Variants in MID1 observed in about 807,000 individuals in gnomAD.
MID1 encodes the protein E3 ubiquitin-protein ligase Midline-1.
A neutral mutation model predicts 40.4 loss-of-function variants in MID1; 7 were observed. The observed-to-expected ratio is 0.17, with a 90% confidence interval of 0.10 to 0.33. MID1 has a LOEUF of 0.33. Among genes scored for constraint, MID1 ranks in the 10% least tolerant of loss-of-function variants. The probability of loss-of-function intolerance (pLI) is 1.00; values close to 1 mark genes in which losing one functional copy is unlikely to be tolerated. For synonymous variants in MID1, 229 were observed against 221.2 expected, an observed-to-expected ratio of 1.04 and a Z score of -0.31; for missense variants, 367 against 558.5, an observed-to-expected ratio of 0.66 and a Z score of 3.46.
intron 7 of MID1, among the ~76,000 whole-genome samples, chrX:10,461,379 T>C (rs1929032376): frequency 9.0e-6 from 1 of 110,694 alleles, no homozygotes; most frequent in African/African-American, 3.3e-5. Context: ...CCAAATTTAT[T>C]TTCTCTAATT....
At chrX:10,738,826 C>A (rs963129393) in intron 1 of MID1, among the ~76,000 whole-genome samples, 24 of 109,690 alleles carry the variant, frequency 2.2e-4, no homozygotes, top group African/African-American at 8.0e-4. Context: ...TGTTTTTCCC[C>A]CTAAGTTATT....
intron 1 of MID1, among the ~76,000 whole-genome samples, chrX:10,715,522 T>A (rs1602532824): frequency 9.0e-6 from 1 of 111,532 alleles, no homozygotes; most frequent in African/African-American, 3.3e-5. Context: ...TTGCTGAGGC[T>A]TGAGTAGGTA....
chrX:10,630,928 T>C (rs1174662950), intron 1 of MID1, among the ~76,000 whole-genome samples: 3 of 110,990 alleles, frequency 2.7e-5, no homozygotes, highest in African/African-American at 9.9e-5. Flanking sequence ...CACTATTTAC[T>C]GAGATGGGGA....
intron 1 of MID1, among the ~76,000 whole-genome samples, chrX:10,806,641 T>A (rs1352114788): frequency 8.9e-6 from 1 of 112,627 alleles, no homozygotes; most frequent in Non-Finnish European, 1.9e-5. Flanking sequence ...ACTAGAAAGA[T>A]CTATAAATCT....
At chrX:10,670,094 C>T (rs751906035) in intron 1 of MID1, among the ~76,000 whole-genome samples, 5 of 112,137 alleles carry the variant, frequency 4.5e-5, no homozygotes, top group South Asian at 3.7e-4. Flanking sequence ...AGGGTCTTTC[C>T]GAACAAGAAT....
intron 1 of MID1, among the ~76,000 whole-genome samples, chrX:10,782,580 T>C (rs1358832364): frequency 1.8e-5 from 2 of 111,676 alleles, no homozygotes; most frequent in African/African-American, 6.5e-5. Flanking sequence ...TGGAGATACA[T>C]AGAGAAATAG....
intron 1 of MID1, among the ~76,000 whole-genome samples, chrX:10,664,994 A>G (rs2042940509): frequency 8.9e-6 from 1 of 112,348 alleles, no homozygotes; most frequent in African/African-American, 3.2e-5. Context: ...CACACACACA[A>G]TTCAAGCGGC....
At chrX:10,623,509 T>C (rs183431076), upstream of MID1, among the ~76,000 whole-genome samples, 4 of 111,751 alleles carry the variant, frequency 3.6e-5, no homozygotes, top group African/African-American at 1.3e-4. Context: ...TCTTGTTAGT[T>C]ATGTGCGGGT....
chrX:10,468,945 T>G (rs1929537904), intron 7 of MID1, among the ~76,000 whole-genome samples: 1 of 112,523 alleles, frequency 8.9e-6, no homozygotes, highest in Non-Finnish European at 1.9e-5. Flanking sequence ...TAAAACTAAA[T>G]GTATGATAAA....
intron 1 of MID1, among the ~76,000 whole-genome samples, chrX:10,716,135 A>C (rs964629748): frequency 2.9e-4 from 32 of 111,269 alleles, no homozygotes; most frequent in African/African-American, 9.8e-4. Flanking sequence ...AAAATCAAGC[A>C]CCTCTCCTCC....
At chrX:10,664,011 GAT>G (rs1211597480) in intron 1 of MID1, among the ~76,000 whole-genome samples, 1 of 111,382 alleles carries the variant, frequency 9.0e-6, no homozygotes, top group Non-Finnish European at 1.9e-5. Flanking sequence ...ATTTATGTTA[GAT>G]GTAACTTTGG....
intron 1 of MID1, among the ~76,000 whole-genome samples, chrX:10,693,438 T>C (rs1419715): frequency 0.16 from 17,316 of 109,142 alleles, 2,375 homozygotes; most frequent in African/African-American, 0.44. Context: ...GTAATTCTCT[T>C]GCCTCAGCTT....
At chrX:10,496,455 T>C (rs1039681653) in intron 3 of MID1, among the ~76,000 whole-genome samples, 2 of 112,320 alleles carry the variant, frequency 1.8e-5, no homozygotes, top group Non-Finnish European at 3.8e-5. Flanking sequence ...CTGCACATGC[T>C]ATTTCCTCCA....
intron 1 of MID1, among the ~76,000 whole-genome samples, chrX:10,689,844 AG>A (rs1225996886): frequency 1.8e-5 from 2 of 111,074 alleles, no homozygotes; most frequent in African/African-American, 6.6e-5. Context: ...GCCTAACTTT[AG>A]GATCATTTTG....
At chrX:10,690,056 G>C (rs2043122904) in intron 1 of MID1, among the ~76,000 whole-genome samples, 1 of 108,405 alleles carries the variant, frequency 9.2e-6, no homozygotes, top group Admixed American at 1.0e-4. Flanking sequence ...ATGAGGGGCA[G>C]GGTGGGTGGG....
chrX:10,683,172 T>C (rs2043070449), intron 1 of MID1, among the ~76,000 whole-genome samples: 1 of 112,122 alleles, frequency 8.9e-6, no homozygotes, highest in African/African-American at 3.2e-5. Flanking sequence ...TCTGAAAGAA[T>C]GCTTGGATGA....
At chrX:10,504,877 C>T (rs755827901) in intron 3 of MID1, among the ~76,000 whole-genome samples, 2 of 110,825 alleles carry the variant, frequency 1.8e-5, no homozygotes, top group South Asian at 7.7e-4. Context: ...ATAGACAATA[C>T]GGATGCAAAT....
At chrX:10,463,189 AAAT>A (rs1239396265) in intron 7 of MID1, among the ~76,000 whole-genome samples, 1 of 107,070 alleles carries the variant, frequency 9.3e-6, no homozygotes, top group Non-Finnish European at 1.9e-5. Context: ...CAAAAATAAA[AAAT>A]AAAAATTAAT....
chrX:10,760,791 C>A (rs2043672844), intron 1 of MID1, among the ~76,000 whole-genome samples: 1 of 111,760 alleles, frequency 8.9e-6, no homozygotes. Context: ...CATGTCACTG[C>A]ACTCTAGCCT....
Sources: allele counts gnomAD v4.1 joint callset (sites outside exome capture counted in the v4.1 genomes callset), GRCh38; gene constraint gnomAD v4.1.1; transcripts MANE v1.5; gene names NCBI Gene and HGNC (gene_info 2026-07-23, HGNC 2026-07-21).